Variants in JAM2 observed in about 807,000 individuals in gnomAD.
The protein encoded by JAM2 is junctional adhesion molecule B.
In JAM2, 17 loss-of-function variants were observed where a neutral mutation model predicts 42.0. The observed-to-expected ratio is 0.40, with a 90% CI of 0.28 to 0.61. JAM2 has a LOEUF of 0.61. JAM2 is among the 20% of genes least tolerant of loss of function. JAM2 has a pLI of 0.37. For missense variants in JAM2, 319 were observed against 358.3 expected, an observed-to-expected ratio of 0.89 and a Z score of 0.89; for synonymous variants, 118 against 128.6, an observed-to-expected ratio of 0.92 and a Z score of 0.56.
chr21:25,639,818 G>C lies in JAM2; in HGVS notation c.-4G>C. On this transcript the variant is annotated 5_prime_UTR_variant, in exon 1 of 10. Transcript: ENST00000480456. The stretch of plus-strand genomic sequence containing the variant: ...TCAGAGCAGCCGGCTGCCGCCCCGG[G>C]AAGATGGCGAGGAGGAGCCGCCACC... 7.0e-6 allele frequency: 11 copies of C among 1,580,538 alleles called. No individual in the cohort carries two copies. The highest frequency in any genetic ancestry group is 9.4e-6 in the Non-Finnish European group (11 of 1,166,412).
chr21:25,710,603 T>C (rs181979065), intron 8 of JAM2, among the ~76,000 whole-genome samples: 4 of 152,108 alleles, frequency 2.6e-5, no homozygotes, highest in East Asian at 3.9e-4. Context: ...AGAGAGCAAA[T>C]TGAAAGATCC....
chr21:25,696,211 C>G (rs2034025870), intron 4 of JAM2, among the ~76,000 whole-genome samples: 1 of 152,202 alleles, frequency 6.6e-6, no homozygotes, highest in African/African-American at 2.4e-5. Flanking sequence ...CATAGCGAAA[C>G]CCCGTCTCCA....
chr21:25,717,505 A>G lies in JAM2; in HGVS notation c.*2833A>G. 1 of 982,686 alleles carries G rather than the reference A, an allele frequency of 1.0e-6. No homozygotes were observed. Among genetic ancestry groups the G allele is most frequent in the Non-Finnish European group, 1.4e-6 (1 of 718,650 alleles). The allele number at this position is 982,686 out of a possible 1,614,324, so 60.9% of individuals were successfully genotyped here. ...ATTGCTTTTCAATACAACTTTGCAA[A>G]GAACTTCCTTTTTCCACAGGTGGCT... On this transcript the variant is annotated 3_prime_UTR_variant, in exon 10 of 10. Transcript: ENST00000480456.
intron 9 of JAM2, 27 bp from the exon 10 acceptor site, chr21:25,714,613 A>G (rs760519074): frequency 2.3e-6 from 3 of 1,326,636 alleles, no homozygotes; most frequent in Admixed American, 2.2e-5. Flanking sequence ...TCATATATTT[A>G]AACCTGTTTT....
chr21:25,657,933 A>G (rs1271039858), intron 1 of JAM2, among the ~76,000 whole-genome samples: 4 of 152,206 alleles, frequency 2.6e-5, no homozygotes, highest in Non-Finnish European at 5.9e-5. Context: ...AAAATGCTGG[A>G]TATTCATAAA....
At chr21:25,674,762 C>T (rs2033443463) in intron 1 of JAM2, among the ~76,000 whole-genome samples, 1 of 151,250 alleles carries the variant, frequency 6.6e-6, no homozygotes. Context: ...CTTTTTCTTT[C>T]TCCCCTACTC....
At chr21:25,671,071 T>A (rs573981093) in intron 1 of JAM2, among the ~76,000 whole-genome samples, 1 of 152,312 alleles carries the variant, frequency 6.6e-6, no homozygotes, top group Non-Finnish European at 1.5e-5. Flanking sequence ...TTCACACAGC[T>A]CTCATATTTT....
intron 1 of JAM2, among the ~76,000 whole-genome samples, chr21:25,659,480 CTT>C (rs2033023696): frequency 6.6e-6 from 1 of 152,052 alleles, no homozygotes; most frequent in South Asian, 2.1e-4. Context: ...TTTGTAATTT[CTT>C]TTGTCTTTCA....
At chr21:25,643,454 A>G (rs962726629) in intron 1 of JAM2, 1 of 152,162 alleles carries the variant, frequency 6.6e-6, no homozygotes, top group African/African-American at 2.4e-5. Flanking sequence ...TCATCAACTG[A>G]TAAAGATTGT....
intron 2 of JAM2, among the ~76,000 whole-genome samples, chr21:25,685,758 G>T (rs921086654): frequency 2.6e-5 from 4 of 152,140 alleles, no homozygotes; most frequent in African/African-American, 9.7e-5. Flanking sequence ...GATAAACAGG[G>T]CTGGGTGAGA....
chr21:25,709,561 T>A, intron 8 of JAM2, 112 bp downstream of exon 8: 1 of 634,328 alleles, frequency 1.6e-6, no homozygotes, highest in Non-Finnish European at 2.8e-6. Context: ...AGGTTTACTC[T>A]CACAAGAAGT....
Position 25,714,664 on chromosome 21 carries a change from A to G in JAM2, c.889A>G (p.Ile297Val). 1.3e-6 allele frequency: 2 copies of G among 1,512,082 alleles called. No individual in the cohort carries two copies. The highest frequency in any genetic ancestry group is 1.8e-6 in the Non-Finnish European group (2 of 1,124,788). 93.7% of individuals were successfully genotyped at this position (1,512,082 alleles called of 1,614,324 possible). A position where few individuals can be genotyped will look rare whatever the true frequency, so the allele number is the denominator to read the frequency against. ...ENDFKHTKSFII is the reference protein window; with the variant it reads ...ENDFKHTKSFVI ...GGATTTCAAGCACACAAAATCCTTT[A>G]TAATTTAAAGACTCCACTTTAGAGA... The change falls in exon 10 of 10, where the codon ATA becomes GTA. Residue 297 changes from isoleucine (I) to valine (V), a missense_variant. Coordinates refer to ENST00000480456, the MANE Select transcript of JAM2 (RefSeq NM_021219.4).
At chr21:25,710,497 GA>G in intron 8 of JAM2, among the ~76,000 whole-genome samples, 1 of 152,332 alleles carries the variant, frequency 6.6e-6, no homozygotes, top group Middle Eastern at 3.4e-3. Context: ...AGGGTGGTCA[GA>G]AAGGATCTCA....
At chr21:25,689,535 T>C (rs1411907857) in intron 2 of JAM2, among the ~76,000 whole-genome samples, 1 of 152,196 alleles carries the variant, frequency 6.6e-6, no homozygotes, top group Middle Eastern at 3.2e-3. Flanking sequence ...ATAGCTGCCA[T>C]TTGTTAAGTC....
At chr21:25,662,562 T>A (rs1409197942) in intron 1 of JAM2, among the ~76,000 whole-genome samples, 1 of 152,148 alleles carries the variant, frequency 6.6e-6, no homozygotes, top group South Asian at 2.1e-4. Context: ...TAAGTGATCC[T>A]CCTGTCTCAG....
intron 1 of JAM2, among the ~76,000 whole-genome samples, chr21:25,653,096 A>G (rs1383857844): frequency 6.6e-6 from 1 of 152,208 alleles, no homozygotes; most frequent in Non-Finnish European, 1.5e-5. Context: ...TCTACTTAAC[A>G]TGATATGTGC....
At chr21:25,696,209 A>G (rs902250822) in intron 4 of JAM2, among the ~76,000 whole-genome samples, 3 of 152,194 alleles carry the variant, frequency 2.0e-5, no homozygotes, top group African/African-American at 7.2e-5. Context: ...AACATAGCGA[A>G]ACCCCGTCTC....
intron 1 of JAM2, among the ~76,000 whole-genome samples, chr21:25,659,949 T>G (rs1489007275): frequency 6.6e-6 from 1 of 152,176 alleles, no homozygotes; most frequent in Non-Finnish European, 1.5e-5. Context: ...TGAGATGGAA[T>G]CTCACTCTGT....
In JAM2 at chr21:25,639,766, C is replaced by G; in HGVS notation, c.-56C>G. 7.7e-7 allele frequency: 1 copy of G among 1,292,230 alleles called. No individual in the cohort carries two copies. Among genetic ancestry groups the G allele is most frequent in the Non-Finnish European group, 1.1e-6 (1 of 931,362 alleles). 80.0% of individuals were successfully genotyped at this position (1,292,230 alleles called of 1,614,324 possible). ...GTTCAAGGGCCCCCGGCCTCCTGCG[C>G]TCCTGCCGCCGGGACCCTCGACCTC... On this transcript the variant is annotated 5_prime_UTR_variant, in exon 1 of 10. Coordinates refer to ENST00000480456, the MANE Select transcript of JAM2 (RefSeq NM_021219.4).
Sources: gnomAD v4.1 joint callset for allele counts (sites outside exome capture counted in the v4.1 genomes callset) on GRCh38, gnomAD v4.1.1 for gene constraint, MANE v1.5 for transcripts, NCBI Gene and HGNC (gene_info 2026-07-23, HGNC 2026-07-21) for gene names.